The following REV3L variants were observed in gnomAD, a reference collection of about 807,000 sequenced individuals.
REV3L encodes the protein DNA polymerase zeta catalytic subunit.
A neutral mutation model predicts 299.4 loss-of-function variants in REV3L; 69 were observed. The observed-to-expected ratio is 0.23, with a 90% CI of 0.19 to 0.28. REV3L has a LOEUF of 0.28. Among genes scored for constraint, REV3L ranks in the 10% least tolerant of loss-of-function variants. The probability of loss-of-function intolerance (pLI) is 1.00; values close to 1 mark genes in which losing one functional copy is unlikely to be tolerated. For missense variants in REV3L, 3,128 were observed against 3,693.8 expected (o/e 0.85, Z 3.97); for synonymous variants, 1,238 against 1,271.4 (o/e 0.97, Z 0.56).
chr6:111,345,904 G>A (rs1776976453), intron 20 of REV3L, among the ~76,000 whole-genome samples: 1 of 151,716 alleles, frequency 6.6e-6, no homozygotes, highest in Non-Finnish European at 1.5e-5. Flanking sequence ...ATCTCAAATG[G>A]GCTCTTAATG....
chr6:111,423,746 A>G lies in REV3L; in HGVS notation c.140-7274T>C, dbSNP rs182584978. ...AGTAGAGGTGGAGAAAAGGTCAAGG[A>G]TTTAGGGAGTAGAATCAAGAGGCTA... On this transcript the variant is annotated intron_variant, in intron 1 of 31. Coordinates refer to ENST00000368802, the MANE Select transcript of REV3L (RefSeq NM_001372078.1). Among the ~76,000 whole-genome samples the G allele has an allele frequency of 7.3e-4, 111 of 152,258 alleles. 1 individual carries two copies. Among genetic ancestry groups the G allele is most frequent in the Middle Eastern group, 3.4e-3 (1 of 294 alleles).
intron 1 of REV3L, chr6:111,431,541 C>A: frequency 1.2e-6 from 1 of 815,772 alleles, no homozygotes; most frequent in South Asian, 1.4e-5. Context: ...CCCCTCCCAA[C>A]ATGATCTGTC....
At chr6:111,329,442 T>G in intron 25 of REV3L, 90 bp downstream of exon 25, 2 of 1,259,194 alleles carry the variant, frequency 1.6e-6, no homozygotes, top group Non-Finnish European at 2.3e-6. Context: ...ACATCTTAGC[T>G]TCCAAAGTAA....
At chr6:111,460,195 T>G (rs1790594752) in intron 1 of REV3L, 1 of 152,012 alleles carries the variant, frequency 6.6e-6, no homozygotes. Flanking sequence ...ATGTTCTCAC[T>G]TACAAGTGGC....
intron 1 of REV3L, among the ~76,000 whole-genome samples, chr6:111,416,954 C>T (rs543539505): frequency 6.6e-6 from 1 of 151,104 alleles, no homozygotes; most frequent in South Asian, 2.1e-4. Context: ...TTCCAGTGTG[C>T]AGAATTTTGC....
intron 24 of REV3L, 90 bp downstream of exon 24, chr6:111,331,586 T>C (rs1243652001): frequency 1.3e-6 from 1 of 789,420 alleles, no homozygotes; most frequent in East Asian, 2.9e-5. Context: ...TGTTTTTGTT[T>C]TCTATTATGT....
rs527537593 is a variant in REV3L at position 111,385,633 on chromosome 6, A to T, written c.1096+2132T>A. Among the ~76,000 whole-genome samples, 7 of 152,114 alleles carry T rather than the reference A, an allele frequency of 4.6e-5. No homozygotes were observed. In the South Asian group the frequency reaches 1.5e-3, roughly 32 times the overall value. On this transcript the variant is annotated intron_variant, in intron 9 of 31. Transcript: ENST00000368802. Reference sequence around the variant, plus strand: ...AACCCCAAGGATAACTTTTTTTTTTAAATGGGGGGAAAAGAAGTTAACATT... The same window carrying T: ...AACCCCAAGGATAACTTTTTTTTTTTAATGGGGGGAAAAGAAGTTAACATT...
chr6:111,471,056 A>C (rs1792145369), intron 1 of REV3L, among the ~76,000 whole-genome samples: 1 of 152,186 alleles, frequency 6.6e-6, no homozygotes, highest in Non-Finnish European at 1.5e-5. Context: ...TGTAGAAAAT[A>C]TATGGTGATG....
intron 18 of REV3L, among the ~76,000 whole-genome samples, chr6:111,356,398 T>A (rs980525429): frequency 2.0e-5 from 3 of 152,020 alleles, no homozygotes; most frequent in Non-Finnish European, 4.4e-5. Context: ...TTGTTAAAAA[T>A]TTTTTTTCAT....
chr6:111,368,098 C>T, intron 13 of REV3L, 70 bp from the exon 14 acceptor site: 1 of 1,342,104 alleles, frequency 7.5e-7, no homozygotes, highest in Middle Eastern at 2.6e-4. Flanking sequence ...AACTCCATAT[C>T]CTAGATAAAG....
intron 1 of REV3L, among the ~76,000 whole-genome samples, chr6:111,471,339 T>A (rs575417469): frequency 2.6e-5 from 4 of 152,322 alleles, no homozygotes; most frequent in South Asian, 2.1e-4. Context: ...GCCAAATTTT[T>A]AAAAAGTGTT....
chr6:111,439,570 A>G (rs1032389094), intron 1 of REV3L, among the ~76,000 whole-genome samples: 2 of 152,254 alleles, frequency 1.3e-5, no homozygotes, highest in Non-Finnish European at 2.9e-5. Context: ...TGGGTGCCTC[A>G]TGAGCTGCAT....
At chr6:111,316,511 CAA>C (rs1773535644) in intron 26 of REV3L, among the ~76,000 whole-genome samples, 2 of 150,878 alleles carry the variant, frequency 1.3e-5, no homozygotes, top group South Asian at 4.2e-4. Context: ...TAAAAAAATA[CAA>C]AAATTAGCCA....
At chr6:111,456,639 T>C (rs1790194603) in intron 1 of REV3L, among the ~76,000 whole-genome samples, 1 of 152,158 alleles carries the variant, frequency 6.6e-6, no homozygotes. Flanking sequence ...AAAATGCATA[T>C]AACTAGTTCC....
chr6:111,425,337 T>C (rs1786046711), intron 1 of REV3L, among the ~76,000 whole-genome samples: 1 of 152,060 alleles, frequency 6.6e-6, no homozygotes, highest in African/African-American at 2.4e-5. Context: ...CGGGCACCTG[T>C]AGTCCCAGCT....
chr6:111,431,085 C>T, intron 1 of REV3L: 2 of 1,497,536 alleles, frequency 1.3e-6, no homozygotes, highest in South Asian at 2.3e-5. Flanking sequence ...ATGCAAATAT[C>T]AACAAGAATG....
intron 1 of REV3L, among the ~76,000 whole-genome samples, chr6:111,435,036 C>T (rs1033214392): frequency 2.0e-5 from 3 of 152,098 alleles, no homozygotes; most frequent in Non-Finnish European, 4.4e-5. Flanking sequence ...GAAACCCTGT[C>T]TCTACAAAAA....
chr6:111,349,627 T>C (rs907581712), intron 19 of REV3L, among the ~76,000 whole-genome samples: 1 of 152,130 alleles, frequency 6.6e-6, no homozygotes, highest in Non-Finnish European at 1.5e-5. Context: ...TAGCCACAGG[T>C]GCAATCATAG....
chr6:111,309,868 A>G lies in REV3L; in HGVS notation c.9027T>C (p.Tyr3009=), dbSNP rs763773368. 1 of 1,613,810 alleles carries G rather than the reference A, an allele frequency of 6.2e-7. No individual in the cohort carries two copies. Among genetic ancestry groups the G allele is most frequent in the South Asian group, 1.1e-5 (1 of 91,020 alleles). The change falls in exon 30 of 32, where the codon TAT becomes TAC. Residue 3009 remains tyrosine (Y), a synonymous_variant. Coordinates refer to ENST00000368802, the MANE Select transcript of REV3L (RefSeq NM_001372078.1). The stretch of plus-strand genomic sequence containing the variant: ...GTAAGCTTACCCTTGGTAATTCATG[A>G]TACCAGCTGAAGACATCAATACCAA... ...SLIGIDVFSW[Y]HELPRIHKAT...
Sources: gnomAD v4.1 joint callset for allele counts (sites outside exome capture counted in the v4.1 genomes callset) on GRCh38, gnomAD v4.1.1 for gene constraint, MANE v1.5 for transcripts, NCBI Gene and HGNC (gene_info 2026-07-23, HGNC 2026-07-21) for gene names.